The following CPT1B variants were observed in gnomAD, a reference collection of about 807,000 sequenced individuals.
The protein encoded by CPT1B is carnitine palmitoyltransferase 1B, also known as carnitine O-palmitoyltransferase 1, muscle isoform.
CPT1B carries 57 observed loss-of-function variants against 92.7 expected under a neutral mutation model. The observed-to-expected ratio is 0.62, with a 90% CI of 0.50 to 0.77. The LOEUF (loss-of-function observed/expected upper bound fraction) is 0.77, where lower values mean the gene tolerates loss of function less well. Ranked by LOEUF, CPT1B falls within the 30% of genes least tolerant of loss-of-function variation. CPT1B has a pLI of 0.00. For missense variants in CPT1B, 983 were observed against 1,017.4 expected (o/e 0.97, Z 0.46); for synonymous variants, 398 against 383.5 (o/e 1.04, Z -0.44).
rs1453538929 is a variant in CPT1B, at chr22:50,572,953, G to C, written c.1274C>G (p.Ser425Cys). The change falls in exon 11 of 20, where the codon TCC becomes TGC. Residue 425 changes from serine to cysteine, a missense_variant. By Grantham distance (112) the Ser-to-Cys change is moderately radical. Coordinates refer to ENST00000312108, the MANE Select transcript of CPT1B (RefSeq NM_152246.3). ...CTCATCTTCGGGGTCATAGGAGTAG[G>C]ATTCCTCATCCAGGGCCACGAAGAA... is the stretch of plus-strand genomic sequence containing the variant. ...AAFFVALDEE[S>C]YSYDPEDEAS... 6.2e-7 allele frequency: 1 copy of C among 1,613,838 alleles called. No homozygotes were observed. The highest frequency in any genetic ancestry group is 2.2e-5 in the East Asian group (1 of 44,878).
chr22:50,571,666 A>C, intron 13 of CPT1B, 127 bp from the exon 14 acceptor site: 1 of 1,086,440 alleles, frequency 9.2e-7, no homozygotes, highest in African/African-American at 1.6e-5. Context: ...CTTCAGGAGG[A>C]GGGTACGCAA....
chr22:50,571,851 G>T, intron 13 of CPT1B, 155 bp downstream of exon 13: 1 of 770,736 alleles, frequency 1.3e-6, no homozygotes, highest in Non-Finnish European at 2.2e-6. Context: ...AAGCCAGTTT[G>T]GACTCTACAG....
intron 7 of CPT1B, among the ~76,000 whole-genome samples, chr22:50,575,767 G>A (rs1197278508): frequency 1.3e-5 from 2 of 152,212 alleles, no homozygotes; most frequent in Non-Finnish European, 2.9e-5. Flanking sequence ...CCCGAGCTGG[G>A]CAGGGGCAGT....
intron 6 of CPT1B, 36 bp from the exon 7 acceptor site, chr22:50,576,148 G>A (rs774209054): frequency 9.3e-5 from 150 of 1,613,964 alleles, no homozygotes; most frequent in Admixed American, 1.5e-4. Context: ...TGGGGCGGGT[G>A]CAGCCAGGAC....
In CPT1B at chr22:50,573,516, A is replaced by G. The variant is rs764138461; in HGVS notation, c.1166+4T>C. The G allele has an allele frequency of 1.9e-6, 3 of 1,605,178 alleles. No homozygotes were observed. The highest frequency in any genetic ancestry group is 2.6e-6 in the Non-Finnish European group (3 of 1,174,842). ...GGGGACAGTCCCTTCCTAGAGGCCA[A>G]TACCTTCCTCCTGCAGTGAGGGCTG... On this transcript the variant is annotated splice_donor_region_variant and intron_variant, in intron 10 of 19. Transcript: ENST00000312108. This position sits in a 1 kb window ranked among gnomAD's most constrained non-coding sequence, Gnocchi z 5.0.
chr22:50,575,907 C>A, intron 7 of CPT1B, 128 bp downstream of exon 7: 3 of 816,098 alleles, frequency 3.7e-6, no homozygotes, highest in South Asian at 1.5e-5. Context: ...TTCCCTCAGG[C>A]CTCACTCCAT....
In CPT1B at chr22:50,573,507, T is replaced by C. The variant is rs131760; in HGVS notation, c.1166+13A>G. ...ACTCAGGGTGGGGACAGTCCCTTCC[T>C]AGAGGCCAATACCTTCCTCCTGCAG... On this transcript the variant is annotated intron_variant, in intron 10 of 19. Transcript: ENST00000312108. This position sits in a 1 kb window ranked among gnomAD's most constrained non-coding sequence, Gnocchi z 5.0. 0.68 allele frequency: 1,081,836 copies of C among 1,591,964 alleles called. 372,341 individuals are homozygous for C. The highest frequency in any genetic ancestry group is 0.97 in the East Asian group (43,214 of 44,502).
intron 5 of CPT1B, 70 bp downstream of exon 5, chr22:50,576,466 C>G: frequency 6.2e-7 from 1 of 1,600,902 alleles, no homozygotes; most frequent in Non-Finnish European, 8.5e-7. Flanking sequence ...TTGCACAGAA[C>G]CTTATATTTG....
intron 3 of CPT1B, 88 bp from the exon 4 acceptor site, chr22:50,577,122 A>G: frequency 6.7e-7 from 1 of 1,493,118 alleles, no homozygotes; most frequent in South Asian, 1.2e-5. Flanking sequence ...CACCAAGGGG[A>G]AGAACCTCCC....
At position 50,569,339 on chromosome 22, in the gene CPT1B, C is replaced by G; in HGVS notation, c.2318G>C (p.Ter773SerextTer3). The change falls in exon 19 of 20, where the codon TGA becomes TCA. Residue 773 changes from the stop codon to serine, a stop_lost. Coordinates refer to ENST00000312108, the MANE Select transcript of CPT1B (RefSeq NM_152246.3). ...DLFQVPKAYS[*>S] Reference sequence around the variant, plus strand: ...GGGCAGCTGGCATTTCTCCAACCTTCAGCTGTAGGCCTTGGGAACTTGGAA... The same window carrying G: ...GGGCAGCTGGCATTTCTCCAACCTTGAGCTGTAGGCCTTGGGAACTTGGAA... 6.2e-7 allele frequency: 1 copy of G among 1,613,994 alleles called. No individual in the cohort carries two copies. Among genetic ancestry groups the G allele is most frequent in the South Asian group, 1.1e-5 (1 of 91,058 alleles).
intron 1 of CPT1B, 143 bp from the exon 2 acceptor site, chr22:50,578,077 G>A (rs2070551629): frequency 2.9e-6 from 1 of 349,008 alleles, no homozygotes; most frequent in Non-Finnish European, 4.3e-6. Flanking sequence ...CCCCCCGCCA[G>A]GCCAACCGCC....
intron 17 of CPT1B, 77 bp from the exon 18 acceptor site, chr22:50,569,745 T>C: frequency 7.9e-7 from 1 of 1,265,196 alleles, no homozygotes; most frequent in South Asian, 1.2e-5. Flanking sequence ...ATTGTACTTG[T>C]TCTTCCCACA....
intron 19 of CPT1B, 112 bp from the exon 20 acceptor site, chr22:50,569,193 AGCATCT>A: frequency 1.4e-6 from 1 of 712,902 alleles, no homozygotes; most frequent in Non-Finnish European, 2.3e-6. Flanking sequence ...CTCAGGGAGC[AGCATCT>A]GCCCAGCGAG....
chr22:50,577,029 C>T lies in CPT1B; in HGVS notation c.287G>A (p.Gly96Asp), dbSNP rs1199586730. ...CCGGGTCTGCGGGGTCTGGTAGGGG[C>T]CACACCTATTGGAGAGGGGCAAGGG... is the stretch of plus-strand genomic sequence containing the variant. ...CIQRCLPQGCGPYQTPQTRAL... is the reference protein window; with the variant it reads ...CIQRCLPQGCDPYQTPQTRAL... Residue 96 changes from glycine to aspartate, a missense_variant, in exon 4 of 20, where the codon GGC becomes GAC. Transcript: ENST00000312108. 6.2e-7 allele frequency: 1 copy of T among 1,613,756 alleles called. No individual in the cohort carries two copies. Among genetic ancestry groups the T allele is most frequent in the Non-Finnish European group, 8.5e-7 (1 of 1,179,978 alleles).
chr22:50,577,619 TC>T (rs2070514378), intron 2 of CPT1B, among the ~76,000 whole-genome samples, 155 bp downstream of exon 2: 1 of 152,218 alleles, frequency 6.6e-6, no homozygotes, highest in Non-Finnish European at 1.5e-5. Flanking sequence ...GCTCCCTGTG[TC>T]CGACCACATC....
chr22:50,570,285 G>C lies in CPT1B; in HGVS notation c.2142+8C>G. The C allele has an allele frequency of 6.4e-7, 1 of 1,552,442 alleles. No homozygotes were observed. The highest frequency in any genetic ancestry group is 8.7e-7 in the Non-Finnish European group (1 of 1,144,408). On this transcript the variant is annotated splice_region_variant and intron_variant, in intron 17 of 19. Transcript: ENST00000312108. ...TGCTGCCCACCCACCCCCTTCAGGA[G>C]CACTCACAGGGCCAAAGCCACCTCC...
chr22:50,572,412 CTCTT>C (rs1389990131), intron 11 of CPT1B, 104 bp from the exon 12 acceptor site: 53 of 683,714 alleles, frequency 7.8e-5, no homozygotes, highest in South Asian at 3.0e-4. Flanking sequence ...TATTCTCTCT[CTCTT>C]TTTCTCTCAC....
chr22:50,573,974 C>G lies in CPT1B; in HGVS notation c.971-259G>C. 1.4e-6 allele frequency: 1 copy of G among 702,746 alleles called. No homozygotes were observed. The highest frequency in any genetic ancestry group is 2.0e-5 in the Admixed American group (1 of 49,496). The allele number at this position is 702,746 out of a possible 1,614,324, so 43.5% of individuals were successfully genotyped here. The stretch of plus-strand genomic sequence containing the variant: ...CGACGCACTAGAGGGTTGTGCAAAC[C>G]GCCTAAGGATACAGTGTCAGAAGCA... On this transcript the variant is annotated intron_variant, in intron 9 of 19. Coordinates refer to ENST00000312108, the MANE Select transcript of CPT1B (RefSeq NM_152246.3). This position sits in a 1 kb window ranked among gnomAD's most constrained non-coding sequence, Gnocchi z 5.0.
chr22:50,577,593 C>G, intron 2 of CPT1B, 130 bp from the exon 3 acceptor site: 1 of 1,418,154 alleles, frequency 7.1e-7, no homozygotes, highest in East Asian at 2.4e-5. Context: ...GTGCTCCTTC[C>G]TCCGCCACAC....
Sources: gnomAD v4.1 joint callset for allele counts (sites outside exome capture counted in the v4.1 genomes callset) on GRCh38, gnomAD v4.1.1 for gene constraint, Gnocchi (gnomAD v3.1) non-coding constraint, MANE v1.5 for transcripts, NCBI Gene and HGNC (gene_info 2026-07-23, HGNC 2026-07-21) for gene names.